Variants in TEAD4 observed in about 807,000 individuals in gnomAD.
The protein encoded by TEAD4 is TEA domain transcription factor 4.
Under a neutral mutation model 52.4 loss-of-function variants are expected in TEAD4, and 36 were observed. The observed-to-expected ratio is 0.69, with a 90% CI of 0.53 to 0.91. TEAD4 has a LOEUF of 0.91. TEAD4 is among the 40% of genes least tolerant of loss of function. The pLI is 0.00. For missense variants in TEAD4, 508 were observed against 583.9 expected (o/e 0.87, Z 1.34); for synonymous variants, 220 against 231.0 (o/e 0.95, Z 0.43).
chr12:3,001,961 G>A (rs2098252062), intron 3 of TEAD4, among the ~76,000 whole-genome samples: 2 of 151,950 alleles, frequency 1.3e-5, no homozygotes, highest in South Asian at 4.2e-4. Flanking sequence ...GCTGGGTGTG[G>A]TGTGCACCTG....
chr12:2,972,689 C>G (rs1214269497), intron 2 of TEAD4, among the ~76,000 whole-genome samples: 1 of 151,740 alleles, frequency 6.6e-6, no homozygotes, highest in East Asian at 1.9e-4. Flanking sequence ...TTAGTAGAGA[C>G]AGGGTTTCTC....
At chr12:2,988,252 T>A (rs1484409586) in intron 2 of TEAD4, among the ~76,000 whole-genome samples, 1 of 150,914 alleles carries the variant, frequency 6.6e-6, no homozygotes, top group Non-Finnish European at 1.5e-5. Context: ...GTGGTTCAGG[T>A]CTGTAATCCC....
chr12:2,992,892 T>A (rs1190838734), intron 2 of TEAD4, among the ~76,000 whole-genome samples: 1 of 152,062 alleles, frequency 6.6e-6, no homozygotes, highest in African/African-American at 2.4e-5. Context: ...ACAGCTTGGA[T>A]GGTTGGAGCC....
At chr12:3,012,368 G>T in intron 5 of TEAD4, 136 bp downstream of exon 5, 1 of 915,008 alleles carries the variant, frequency 1.1e-6, no homozygotes, top group Non-Finnish European at 1.7e-6. Context: ...GCCAGGTTGG[G>T]CCTGTAACCT....
chr12:2,998,167 G>T (rs990717361), intron 3 of TEAD4, among the ~76,000 whole-genome samples: 1 of 152,074 alleles, frequency 6.6e-6, no homozygotes, highest in Non-Finnish European at 1.5e-5. Context: ...TATAACCTAG[G>T]TCAGAGTTTC....
chr12:2,995,136 T>A, intron 3 of TEAD4, 144 bp downstream of exon 3: 2 of 909,382 alleles, frequency 2.2e-6, no homozygotes, highest in Non-Finnish European at 3.1e-6. Flanking sequence ...CCTCCTGGGC[T>A]CCCAAGGGAT....
chr12:3,004,338 G>A lies in TEAD4; in HGVS notation c.227-6666G>A, dbSNP rs116115378. On this transcript the variant is annotated intron_variant, in intron 3 of 12. Transcript: ENST00000359864. ...GCAGCCTTGGAAAACATACCTTCTCGTGGTGCCTGGGACACTAGCAAGCCA... is the reference window on the plus strand; with the variant it reads ...GCAGCCTTGGAAAACATACCTTCTCATGGTGCCTGGGACACTAGCAAGCCA... 2.7e-3 allele frequency among the ~76,000 whole-genome samples: 415 copies of A among 152,302 alleles called. 3 individuals carry two copies. The highest frequency in any genetic ancestry group is 9.6e-3 in the African/African-American group (400 of 41,568).
intron 3 of TEAD4, among the ~76,000 whole-genome samples, chr12:3,006,222 G>A (rs773056284): frequency 6.6e-6 from 1 of 152,150 alleles, no homozygotes; most frequent in African/African-American, 2.4e-5. Context: ...TGAGATGTGT[G>A]CCTCGAAGGA....
chr12:2,986,702 G>A (rs1383774108), intron 2 of TEAD4, among the ~76,000 whole-genome samples: 4 of 151,800 alleles, frequency 2.6e-5, no homozygotes, highest in Admixed American at 6.6e-5. Flanking sequence ...AAAAAGTATA[G>A]TATAGTAAAT....
At chr12:3,010,177 G>A (rs952233352) in intron 3 of TEAD4, among the ~76,000 whole-genome samples, 1 of 152,250 alleles carries the variant, frequency 6.6e-6, no homozygotes. Context: ...ACTGGCCCCC[G>A]GTCCTCTGAA....
intron 10 of TEAD4, among the ~76,000 whole-genome samples, chr12:3,026,181 C>G (rs1315370408): frequency 6.6e-6 from 1 of 152,160 alleles, no homozygotes; most frequent in Non-Finnish European, 1.5e-5. Flanking sequence ...TGTTGGAACC[C>G]TCTATGATGT....
At chr12:3,010,585 G>A (rs531136507) in intron 3 of TEAD4, among the ~76,000 whole-genome samples, 20 of 152,368 alleles carry the variant, frequency 1.3e-4, no homozygotes, top group African/African-American at 4.1e-4. Flanking sequence ...GGAGGGCACG[G>A]TGGCAGTCAC....
At chr12:3,025,980 T>A (rs1479563673) in intron 10 of TEAD4, among the ~76,000 whole-genome samples, 1 of 152,094 alleles carries the variant, frequency 6.6e-6, no homozygotes, top group Non-Finnish European at 1.5e-5. Context: ...TCTTTCTCCC[T>A]AATGGCCAGT....
intron 10 of TEAD4, among the ~76,000 whole-genome samples, chr12:3,025,528 T>C (rs74867569): frequency 6.6e-6 from 1 of 152,118 alleles, no homozygotes; most frequent in African/African-American, 2.4e-5. Flanking sequence ...TGATGACTTT[T>C]TTTTTTTTGA....
rs549702101 is a variant in TEAD4 at position 3,023,946 on chromosome 12, G to A, written c.897+1929G>A. On this transcript the variant is annotated intron_variant, in intron 10 of 12. Coordinates refer to ENST00000359864, the MANE Select transcript of TEAD4 (RefSeq NM_003213.4). ...TAATATGCTTATATTGCTGTATCTC[G>A]ATGTCAGGATTAAGACATTATATTT... Among the ~76,000 whole-genome samples, 24 of 152,046 alleles carry A rather than the reference G, an allele frequency of 1.6e-4. No individual in the cohort carries two copies. In the South Asian group the frequency reaches 3.7e-3, roughly 24 times the overall value.
At chr12:3,019,377 C>T (rs1467256580) in intron 8 of TEAD4, among the ~76,000 whole-genome samples, 1 of 152,250 alleles carries the variant, frequency 6.6e-6, no homozygotes, top group African/African-American at 2.4e-5. Flanking sequence ...CTTCATGCCC[C>T]TCGGGTTGCC....
chr12:2,981,352 CT>C (rs2098233978), intron 2 of TEAD4, among the ~76,000 whole-genome samples: 1 of 152,372 alleles, frequency 6.6e-6, no homozygotes, highest in Non-Finnish European at 1.5e-5. Flanking sequence ...CTTCCAGCTC[CT>C]GAGTTTCCAA....
chr12:2,984,155 G>T (rs1591564028), intron 2 of TEAD4, among the ~76,000 whole-genome samples: 1 of 152,304 alleles, frequency 6.6e-6, no homozygotes, highest in South Asian at 2.1e-4. Flanking sequence ...AAAGAAGGAA[G>T]TACAGAGGGT....
In TEAD4 at chr12:3,040,481, G is replaced by C. The variant is rs1325162897; in HGVS notation, c.*3G>C. On this transcript the variant is annotated 3_prime_UTR_variant, in exon 13 of 13. Transcript: ENST00000359864. ...TCTACAGGCTGGTGAAAGAATGAGA[G>C]ACTCGGGGAGCAGGGAGGGGGGAAG... The C allele has an allele frequency of 5.0e-6, 8 of 1,613,572 alleles. No individual in the cohort carries two copies. The highest frequency in any genetic ancestry group is 6.8e-6 in the Non-Finnish European group (8 of 1,179,702).
Sources: gnomAD v4.1 joint callset for allele counts (sites outside exome capture counted in the v4.1 genomes callset) on GRCh38, gnomAD v4.1.1 for gene constraint, MANE v1.5 for transcripts, NCBI Gene and HGNC (gene_info 2026-07-23, HGNC 2026-07-21) for gene names.